The following ESR1 variants were observed in gnomAD, a reference collection of about 807,000 sequenced individuals.
ESR1 encodes estrogen receptor 1.
A neutral mutation model predicts 52.7 loss-of-function variants in ESR1; 12 were observed. The ratio of observed to expected loss-of-function variants is 0.23; its 90% CI spans 0.15 to 0.37. ESR1 has a LOEUF of 0.37. Ranked by LOEUF, ESR1 falls within the 10% of genes least tolerant of loss-of-function variation. The pLI, the probability that ESR1 is intolerant of heterozygous loss-of-function variation, is 1.00. For synonymous variants in ESR1, 305 were observed against 316.8 expected, an observed-to-expected ratio of 0.96 and a Z score of 0.39; for missense variants, 584 against 779.7, an observed-to-expected ratio of 0.75 and a Z score of 2.99.
chr6:151,776,414 C>G (rs1785995520), intron 2 of ESR1, among the ~76,000 whole-genome samples: 1 of 152,210 alleles, frequency 6.6e-6, no homozygotes, highest in Admixed American at 6.5e-5. Flanking sequence ...AAGAAAAGGA[C>G]TGACAGGAGT....
intron 2 of ESR1, among the ~76,000 whole-genome samples, chr6:151,716,932 T>G (rs1781088537): frequency 6.6e-6 from 1 of 152,086 alleles, no homozygotes; most frequent in Non-Finnish European, 1.5e-5. Context: ...GGCTGCCCAG[T>G]TTTTGCTTGA....
chr6:151,818,214 T>A (rs1226040639), intron 1 of ESR1, among the ~76,000 whole-genome samples: 1 of 152,148 alleles, frequency 6.6e-6, no homozygotes, highest in East Asian at 1.9e-4. Flanking sequence ...GCCCGCTCAT[T>A]TCCTCATGTG....
At chr6:151,745,982 A>C (rs191613379) in intron 2 of ESR1, among the ~76,000 whole-genome samples, 3 of 152,298 alleles carry the variant, frequency 2.0e-5, no homozygotes, top group Admixed American at 2.0e-4. Context: ...AAATGGAGTC[A>C]TATGGTATTT....
At chr6:151,867,340 G>A (rs1790099900) in intron 2 of ESR1, among the ~76,000 whole-genome samples, 1 of 151,746 alleles carries the variant, frequency 6.6e-6, no homozygotes, top group Non-Finnish European at 1.5e-5. Flanking sequence ...CCTACAGAAT[G>A]GGAGAAAATT....
chr6:151,722,936 G>A (rs1306211740), intron 2 of ESR1, among the ~76,000 whole-genome samples: 1 of 152,042 alleles, frequency 6.6e-6, no homozygotes, highest in Non-Finnish European at 1.5e-5. Flanking sequence ...CCCCAATTGT[G>A]GTTTTCAATG....
At chr6:151,980,711 T>G (rs897469128) in intron 4 of ESR1, among the ~76,000 whole-genome samples, 1 of 152,184 alleles carries the variant, frequency 6.6e-6, no homozygotes, top group African/African-American at 2.4e-5. Flanking sequence ...TGAAGTTTGT[T>G]TTTTCTTTTT....
intron 5 of ESR1, among the ~76,000 whole-genome samples, chr6:152,036,521 A>G (rs1273974442): frequency 6.6e-6 from 1 of 152,230 alleles, no homozygotes; most frequent in Admixed American, 6.5e-5. Flanking sequence ...AGAAAAAAGA[A>G]AACAACCTCC....
chr6:152,088,577 G>A (rs974163101), intron 6 of ESR1, among the ~76,000 whole-genome samples: 24 of 152,190 alleles, frequency 1.6e-4, no homozygotes, highest in African/African-American at 5.6e-4. Context: ...ATGGATCAAT[G>A]AGTTATCCCA....
At chr6:151,881,201 T>C (rs1333047514) in intron 3 of ESR1, among the ~76,000 whole-genome samples, 1 of 152,234 alleles carries the variant, frequency 6.6e-6, no homozygotes, top group Non-Finnish European at 1.5e-5. Flanking sequence ...ATTTATAGCC[T>C]TCCAGTCTGT....
At position 151,926,376 on chromosome 6, in the gene ESR1, A is replaced by G. The variant is rs117223129; in HGVS notation, c.761-17797A>G. On this transcript the variant is annotated intron_variant, in intron 3 of 7. Transcript: ENST00000206249. Reference sequence around the variant, plus strand: ...TGGAATCAATTGTCAATATCTACAAAATAGATTATTGGGATTTGGATTTAG... The same window carrying G: ...TGGAATCAATTGTCAATATCTACAAGATAGATTATTGGGATTTGGATTTAG... Among the ~76,000 whole-genome samples, 805 of 152,248 alleles carry G rather than the reference A, an allele frequency of 5.3e-3. 5 individuals carry two copies. The highest frequency in any genetic ancestry group is 9.4e-3 in the Non-Finnish European group (639 of 67,976).
At chr6:151,680,186 T>A (rs117890089) in intron 1 of ESR1, among the ~76,000 whole-genome samples, 3,079 of 149,184 alleles carry the variant, frequency 0.021, 27 homozygotes, top group South Asian at 0.044. Context: ...GACAGCCACC[T>A]TGCTTTTTTT....
chr6:151,951,739 T>A (rs1016231763), intron 4 of ESR1, among the ~76,000 whole-genome samples: 1 of 152,234 alleles, frequency 6.6e-6, no homozygotes, highest in Non-Finnish European at 1.5e-5. Flanking sequence ...TTGAACCAAC[T>A]TGAAAAGTTA....
At chr6:151,669,514 G>A (rs1380631678) in intron 1 of ESR1, among the ~76,000 whole-genome samples, 3 of 152,168 alleles carry the variant, frequency 2.0e-5, no homozygotes, top group Non-Finnish European at 4.4e-5. Flanking sequence ...GGGAGGTGGG[G>A]TATCAAGTCC....
chr6:151,755,414 C>T (rs990435337), intron 2 of ESR1, among the ~76,000 whole-genome samples: 1 of 152,084 alleles, frequency 6.6e-6, no homozygotes, highest in Admixed American at 6.5e-5. Flanking sequence ...CTCATCTAAA[C>T]ATCAGAGTAT....
chr6:152,068,038 G>A (rs7742339), intron 6 of ESR1, among the ~76,000 whole-genome samples: 14,218 of 152,158 alleles, frequency 0.093, 1,466 homozygotes, highest in African/African-American at 0.26. Flanking sequence ...AAACTAAGAG[G>A]GAAACTGATA....
intron 2 of ESR1, among the ~76,000 whole-genome samples, chr6:151,725,030 A>G (rs1396559938): frequency 6.6e-6 from 1 of 152,160 alleles, no homozygotes; most frequent in Non-Finnish European, 1.5e-5. Context: ...CATTCTATGT[A>G]TTTTCCTTTG....
At chr6:151,863,044 C>A (rs1203674670) in intron 2 of ESR1, among the ~76,000 whole-genome samples, 2 of 152,068 alleles carry the variant, frequency 1.3e-5, no homozygotes, top group Admixed American at 6.6e-5. Context: ...TGGTCTCATT[C>A]AAAAATCTAC....
At chr6:152,034,354 A>C (rs930221113) in intron 5 of ESR1, among the ~76,000 whole-genome samples, 1 of 151,752 alleles carries the variant, frequency 6.6e-6, no homozygotes, top group Non-Finnish European at 1.5e-5. Flanking sequence ...TTTCTTCTTT[A>C]GGGGCCTGTT....
intron 2 of ESR1, among the ~76,000 whole-genome samples, chr6:151,851,972 G>A (rs910028729): frequency 2.6e-5 from 4 of 152,134 alleles, no homozygotes; most frequent in African/African-American, 9.7e-5. Flanking sequence ...TGGTATTTGT[G>A]AAATGGAAAG....
Sources: allele counts gnomAD v4.1 joint callset (sites outside exome capture counted in the v4.1 genomes callset), GRCh38; gene constraint gnomAD v4.1.1; transcripts MANE v1.5; gene names NCBI Gene and HGNC (gene_info 2026-07-23, HGNC 2026-07-21).